PLEKHM2: variants seen among roughly 807,000 people sequenced by gnomAD.
The protein encoded by PLEKHM2 is pleckstrin homology domain-containing family M member 2.
A neutral mutation model predicts 116.3 loss-of-function variants in PLEKHM2; 77 were observed. The ratio of observed to expected loss-of-function variants is 0.66; its 90% confidence interval spans 0.55 to 0.80. PLEKHM2 has a LOEUF of 0.80. Among genes scored for constraint, PLEKHM2 ranks in the 30% least tolerant of loss-of-function variants. The probability of loss-of-function intolerance (pLI) is 0.00; values close to 1 mark genes in which losing one functional copy is unlikely to be tolerated. For missense variants in PLEKHM2, 1,183 were observed against 1,354.9 expected (o/e 0.87, Z 1.99); for synonymous variants, 562 against 571.0 (o/e 0.98, Z 0.22).
At chr1:15,732,978 G>A (rs1343809691) in intron 19 of PLEKHM2, among the ~76,000 whole-genome samples, 1 of 152,252 alleles carries the variant, frequency 6.6e-6, no homozygotes, top group Non-Finnish European at 1.5e-5. Flanking sequence ...GGGAGCCCGA[G>A]GCCCTCAAGC....
intron 1 of PLEKHM2, among the ~76,000 whole-genome samples, chr1:15,685,397 A>AAATAAT (rs59714375): frequency 2.0e-5 from 3 of 152,056 alleles, no homozygotes; most frequent in African/African-American, 7.3e-5. Context: ...CTGGATATAA[A>AAATAAT]AATAATAATA....
intron 1 of PLEKHM2, among the ~76,000 whole-genome samples, chr1:15,700,606 A>G (rs984397855): frequency 1.2e-4 from 18 of 152,128 alleles, no homozygotes; most frequent in Admixed American, 1.0e-3. Context: ...AACTCCCTTC[A>G]CACACCCTTC....
In PLEKHM2 at chr1:15,728,276, A is replaced by G; in HGVS notation, c.1840A>G (p.Met614Val). 6.2e-7 allele frequency: 1 copy of G among 1,613,330 alleles called. No individual in the cohort carries two copies. The highest frequency in any genetic ancestry group is 8.5e-7 in the Non-Finnish European group (1 of 1,179,802). Reference sequence around the variant, plus strand: ...CTGCTTCGGCCCCCAGATGATCCGGATGAGCACCGGGCACATGGAGGGCAA... The same window carrying G: ...CTGCTTCGGCCCCCAGATGATCCGGGTGAGCACCGGGCACATGGAGGGCAA... ...NEEQLFKMIR[M>V]STGHMEGNLQ... The change falls in exon 11 of 20, where the codon ATG becomes GTG. Residue 614 changes from methionine (M) to valine (V), a missense_variant. By Grantham distance (21) the Met-to-Val change is conservative (BLOSUM62 1). This residue lies in a region of PLEKHM2 where 594 missense variants were observed against 720.1 expected (regional missense o/e 0.82). Transcript: ENST00000375799. This position sits in a 1 kb window ranked among gnomAD's most constrained non-coding sequence, Gnocchi z 5.9.
chr1:15,689,043 G>T (rs1275804330), intron 1 of PLEKHM2, among the ~76,000 whole-genome samples: 2 of 152,096 alleles, frequency 1.3e-5, no homozygotes, highest in African/African-American at 4.8e-5. Flanking sequence ...GAGGTCAGGA[G>T]ATCGAGACCG....
In PLEKHM2 at chr1:15,727,514, A is replaced by C; in HGVS notation, c.1442A>C (p.His481Pro). ...SPSTVTSGGG[H>P]HDPAGLGQPL... ...AGCACTGTTACATCAGGTGGCGGCC[A>C]CCATGACCCTGCAGGGCTTGGCCAA... The change falls in exon 9 of 20, where the codon CAC (histidine) becomes CCC (proline). Residue 481 changes from histidine to proline, a missense_variant. Physicochemically the swap from His to Pro is moderately conservative, Grantham distance 77. Coordinates refer to ENST00000375799, the MANE Select transcript of PLEKHM2 (RefSeq NM_015164.4). The surrounding 1 kb of genome is among the most constrained non-coding windows in gnomAD (Gnocchi z 7.5). 1 of 1,581,074 alleles carries C rather than the reference A, an allele frequency of 6.3e-7. No individual in the cohort carries two copies. Among genetic ancestry groups the C allele is most frequent in the Non-Finnish European group, 8.6e-7 (1 of 1,164,266 alleles).
At chr1:15,707,499 T>G (rs1355662489) in intron 1 of PLEKHM2, among the ~76,000 whole-genome samples, 2 of 152,198 alleles carry the variant, frequency 1.3e-5, no homozygotes, top group Non-Finnish European at 2.9e-5. Context: ...AGTGGCTGTG[T>G]TCCAATAAAA....
intron 1 of PLEKHM2, 103 bp downstream of exon 1, chr1:15,684,721 C>G: frequency 1.7e-6 from 1 of 571,856 alleles, no homozygotes; most frequent in Non-Finnish European, 2.5e-6. Flanking sequence ...TTCCCCTCCG[C>G]GACCCGGGGG....
At chr1:15,698,828 T>A (rs772451289) in intron 1 of PLEKHM2, among the ~76,000 whole-genome samples, 12 of 152,100 alleles carry the variant, frequency 7.9e-5, no homozygotes, top group Non-Finnish European at 1.8e-4. Context: ...GGATTATAGG[T>A]GTGAGCCGCT....
chr1:15,688,649 CAAAAA>C lies in PLEKHM2; in HGVS notation c.60+4045_60+4049del, dbSNP rs36016839. On this transcript the variant is annotated intron_variant, in intron 1 of 19. Transcript: ENST00000375799. ...TGGGTGACAGAGGGAGACTCTGTCT[CAAAAA>C]AAAAAAAAAAAAAGGAAATGATAAC... Among the ~76,000 whole-genome samples, 129 of 88,828 alleles carry C rather than the reference CAAAAA, an allele frequency of 1.5e-3. 1 individual carries two copies. In the East Asian group the frequency reaches 0.052, roughly 36 times the overall value. 58.3% of individuals were successfully genotyped at this position (88,828 alleles called of 152,430 possible).
chr1:15,724,385 A>T (rs1436863752), intron 7 of PLEKHM2, among the ~76,000 whole-genome samples: 1 of 152,046 alleles, frequency 6.6e-6, no homozygotes, highest in Non-Finnish European at 1.5e-5. Context: ...CGGGAGGCTA[A>T]GGCAGGAGAA....
intron 14 of PLEKHM2, 95 bp downstream of exon 14, chr1:15,730,024 T>C (rs919842213): frequency 1.7e-6 from 1 of 579,520 alleles, no homozygotes. Flanking sequence ...TGGATGTCTT[T>C]GCCATTTCAC....
At chr1:15,705,170 CTTTTTTTTT>C (rs71306988) in intron 1 of PLEKHM2, among the ~76,000 whole-genome samples, 2 of 74,044 alleles carry the variant, frequency 2.7e-5, no homozygotes, top group Admixed American at 1.4e-4. Context: ...ACGTAGATAT[CTTTTTTTTT>C]TTTTTTTTTT....
In PLEKHM2 at chr1:15,727,773, T is replaced by C. The variant is rs1255763558; in HGVS notation, c.1701T>C (p.Asp567=). 1 of 1,605,124 alleles carries C rather than the reference T, an allele frequency of 6.2e-7. No individual in the cohort carries two copies. Among genetic ancestry groups the C allele is most frequent in the South Asian group, 1.1e-5 (1 of 89,202 alleles). ...QPSPCLSSAE[D]SGVDEGQGSP... is the part of the protein sequence containing the mutation. Reference sequence around the variant, plus strand: ...GCCCGTGTCTGAGTAGCGCTGAGGATTCTGGGGTGGATGAGGGACAGGGGA... The same window carrying C: ...GCCCGTGTCTGAGTAGCGCTGAGGACTCTGGGGTGGATGAGGGACAGGGGA... The change falls in exon 9 of 20, where the codon GAT becomes GAC. Residue 567 remains aspartate (D), a synonymous_variant. Transcript: ENST00000375799. This position sits in a 1 kb window ranked among gnomAD's most constrained non-coding sequence, Gnocchi z 7.5.
intron 1 of PLEKHM2, among the ~76,000 whole-genome samples, chr1:15,699,601 A>C (rs1348796667): frequency 6.6e-6 from 1 of 152,188 alleles, no homozygotes; most frequent in East Asian, 1.9e-4. Flanking sequence ...ATTGATGGAC[A>C]TTTGGGTTGG....
intron 1 of PLEKHM2, among the ~76,000 whole-genome samples, chr1:15,698,604 A>G (rs559541511): frequency 3.4e-5 from 5 of 145,542 alleles, no homozygotes; most frequent in Admixed American, 2.8e-4. Context: ...CTGGAGTGCA[A>G]TAGTGCAATC....
intron 1 of PLEKHM2, among the ~76,000 whole-genome samples, chr1:15,689,707 G>A (rs1249108117): frequency 6.6e-6 from 1 of 152,196 alleles, no homozygotes; most frequent in Non-Finnish European, 1.5e-5. Context: ...AAGCGTCTCT[G>A]TGGACTCTGC....
chr1:15,721,465 C>T lies in PLEKHM2; in HGVS notation c.712+77C>T. 1.2e-6 allele frequency: 1 copy of T among 827,326 alleles called. No individual in the cohort carries two copies. The highest frequency in any genetic ancestry group is 2.0e-6 in the Non-Finnish European group (1 of 503,350). The allele number at this position is 827,326 out of a possible 1,614,324, so 51.2% of individuals were successfully genotyped here. ...GCCAAGCTTGCTGCATGTATCAAAT[C>T]AGCTCCTTATTATTTATAATAATAT... On this transcript the variant is annotated intron_variant, in intron 7 of 19. Coordinates refer to ENST00000375799, the MANE Select transcript of PLEKHM2 (RefSeq NM_015164.4). The surrounding 1 kb of genome is among the most constrained non-coding windows in gnomAD (Gnocchi z 5.1).
intron 1 of PLEKHM2, among the ~76,000 whole-genome samples, chr1:15,705,794 A>G (rs1464211201): frequency 6.6e-6 from 1 of 151,862 alleles, no homozygotes; most frequent in East Asian, 1.9e-4. Flanking sequence ...TACTCACCAT[A>G]CAGAAACTAT....
At chr1:15,722,942 C>G (rs1002841638) in intron 7 of PLEKHM2, 1 of 152,212 alleles carries the variant, frequency 6.6e-6, no homozygotes, top group Non-Finnish European at 1.5e-5. Context: ...TCCCTGCGGC[C>G]TGAGAACTAA....
Sources: gnomAD v4.1 joint callset for allele counts (sites outside exome capture counted in the v4.1 genomes callset) on GRCh38, gnomAD v4.1.1 for gene constraint, gnomAD v4.1.1 regional missense constraint, Gnocchi (gnomAD v3.1) non-coding constraint, MANE v1.5 for transcripts, NCBI Gene and HGNC (gene_info 2026-07-23, HGNC 2026-07-21) for gene names.